The following RBBP5 variants were observed in gnomAD, a reference collection of about 807,000 sequenced individuals.
The protein encoded by RBBP5 is retinoblastoma-binding protein 5.
In RBBP5, 5 loss-of-function variants were observed where a neutral mutation model predicts 72.2. The ratio of observed to expected loss-of-function variants is 0.07; its 90% CI spans 0.04 to 0.15. The LOEUF is 0.15. Ranked by LOEUF, RBBP5 falls within the 10% of genes least tolerant of loss-of-function variation. RBBP5 has a pLI of 1.00. For missense variants in RBBP5, 322 were observed against 652.2 expected (o/e 0.49, Z 5.51); for synonymous variants, 209 against 237.2 (o/e 0.88, Z 1.09).
intron 13 of RBBP5, among the ~76,000 whole-genome samples, chr1:205,092,572 A>G (rs896152616): frequency 1.3e-5 from 2 of 151,658 alleles, no homozygotes; most frequent in Non-Finnish European, 2.9e-5. Flanking sequence ...TCAGCTTCCT[A>G]TGTTACCAGG....
intron 12 of RBBP5, 64 bp downstream of exon 12, chr1:205,096,618 T>C (rs184788779): frequency 1.0e-4 from 151 of 1,438,296 alleles, no homozygotes; most frequent in Non-Finnish European, 4.6e-5. Context: ...AATTACCAGG[T>C]TGCGCTGGGG....
At chr1:205,116,370 TA>T in intron 1 of RBBP5, 1 of 327,904 alleles carries the variant, frequency 3.0e-6, no homozygotes, top group Admixed American at 3.7e-5. Flanking sequence ...ATCACCTACA[TA>T]AACAAAAACT....
At position 205,094,895 on chromosome 1, in the gene RBBP5, C is replaced by T. The variant is rs1003888958; in HGVS notation, c.1566G>A (p.Ala522=). 4 of 1,613,842 alleles carry T rather than the reference C, an allele frequency of 2.5e-6. No individual in the cohort carries two copies. Among genetic ancestry groups the T allele is most frequent in the Non-Finnish European group, 3.4e-6 (4 of 1,179,908 alleles). Reference sequence around the variant, plus strand: ...TACCTGTCAAGGGCTGGCTGAGTTCCGCCTGCACTTTACCCTTCGCTGATC... The same window carrying T: ...TACCTGTCAAGGGCTGGCTGAGTTCTGCCTGCACTTTACCCTTCGCTGATC... ...LEGSAKGKVQ[A]ELSQPLTAGG... The change falls in exon 13 of 14, where the codon GCG becomes GCA. Residue 522 remains alanine, a synonymous_variant. Transcript: ENST00000264515.
intron 12 of RBBP5, among the ~76,000 whole-genome samples, 197 bp from the exon 13 acceptor site, chr1:205,095,261 A>G (rs907120910): frequency 6.6e-6 from 1 of 152,230 alleles, no homozygotes; most frequent in African/African-American, 2.4e-5. Context: ...AAAGGCACAC[A>G]TGGCTTATAT....
At chr1:205,112,696 G>T (rs1283263373) in intron 3 of RBBP5, among the ~76,000 whole-genome samples, 1 of 152,118 alleles carries the variant, frequency 6.6e-6, no homozygotes, top group Non-Finnish European at 1.5e-5. Flanking sequence ...GTAAATTATG[G>T]TTTATCAGAC....
rs1655741512 is a variant in RBBP5 at position 205,099,529 on chromosome 1, T to A, written c.978+212A>T. Among the ~76,000 whole-genome samples, 2 of 151,156 alleles carry A rather than the reference T, an allele frequency of 1.3e-5. No homozygotes were observed. Among genetic ancestry groups the A allele is most frequent in the Admixed American group, 6.6e-5 (1 of 15,164 alleles). On this transcript the variant is annotated intron_variant, in intron 9 of 13. Transcript: ENST00000264515. This position sits in a 1 kb window ranked among gnomAD's most constrained non-coding sequence, Gnocchi z 4.7. ...AAATGCAACAGAAAGTTCAATAGAGTTTCTCCCTGAAAAGAGCCAGAAAAC... is the reference window on the plus strand; with the variant it reads ...AAATGCAACAGAAAGTTCAATAGAGATTCTCCCTGAAAAGAGCCAGAAAAC...
Position 205,099,180 on chromosome 1 carries a change from A to C in RBBP5, c.979-74T>G. ...TAATCTACACATTAATGATAAAATG[A>C]AAGATGTGAGCATGAAAGGAATTCA... On this transcript the variant is annotated intron_variant, in intron 9 of 13. Transcript: ENST00000264515. This position sits in a 1 kb window ranked among gnomAD's most constrained non-coding sequence, Gnocchi z 4.7. The C allele has an allele frequency of 1.1e-6, 1 of 911,586 alleles. No homozygotes were observed. The allele number at this position is 911,586 out of a possible 1,614,324, so 56.5% of individuals were successfully genotyped here.
In RBBP5 at chr1:205,105,129, A is replaced by G; in HGVS notation, c.258T>C (p.Thr86=). 6.2e-7 allele frequency: 1 copy of G among 1,613,746 alleles called. No homozygotes were observed. The highest frequency in any genetic ancestry group is 8.5e-7 in the Non-Finnish European group (1 of 1,179,962). ...RDGHKLVSAS[T]DNIVSQWDVL... ...CATCCCACTGTGACACTATGTTATC[A>G]GTGGAAGCACTCACGAGTTTATGAC... The change falls in exon 4 of 14, where the codon ACT becomes ACC. Residue 86 remains threonine (T), a synonymous_variant. Transcript: ENST00000264515.
intron 2 of RBBP5, 71 bp from the exon 3 acceptor site, chr1:205,115,032 T>C (rs1242506044): frequency 7.4e-7 from 1 of 1,347,538 alleles, no homozygotes; most frequent in Non-Finnish European, 1.0e-6. Context: ...CTAAAGGTTC[T>C]TTATCACTTG....
At chr1:205,113,658 A>G (rs899047188) in intron 3 of RBBP5, among the ~76,000 whole-genome samples, 22 of 151,176 alleles carry the variant, frequency 1.5e-4, no homozygotes, top group African/African-American at 5.4e-4. Context: ...ATTATGTGAA[A>G]CACATACACA....
chr1:205,121,751 G>T, intron 1 of RBBP5, 104 bp downstream of exon 1: 1 of 1,558,880 alleles, frequency 6.4e-7, no homozygotes, highest in Non-Finnish European at 8.8e-7. Flanking sequence ...GTGATCCATA[G>T]CCGAACAGTG....
chr1:205,098,981 A>C lies in RBBP5; in HGVS notation c.1096+8T>G. ...TAGGAAATCCTGTCTGCAATTTAGA[A>C]ATAGTACCTGTCTGCTCAGGCTCAC... On this transcript the variant is annotated splice_region_variant and intron_variant, in intron 10 of 13. Coordinates refer to ENST00000264515, the MANE Select transcript of RBBP5 (RefSeq NM_005057.4). 6.5e-7 allele frequency: 1 copy of C among 1,528,574 alleles called. No individual in the cohort carries two copies. The highest frequency in any genetic ancestry group is 2.4e-5 in the East Asian group (1 of 41,044). The allele number at this position is 1,528,574 out of a possible 1,614,324, so 94.7% of individuals were successfully genotyped here.
intron 1 of RBBP5, among the ~76,000 whole-genome samples, chr1:205,120,075 C>T (rs1206748969): frequency 1.3e-5 from 2 of 152,168 alleles, no homozygotes; most frequent in Non-Finnish European, 2.9e-5. Context: ...CCATTTTTCA[C>T]GTCACTCTCT....
At chr1:205,114,455 C>A (rs1178455982) in intron 3 of RBBP5, among the ~76,000 whole-genome samples, 1 of 152,128 alleles carries the variant, frequency 6.6e-6, no homozygotes, top group African/African-American at 2.4e-5. Flanking sequence ...AAACTGGACT[C>A]GATGACTTCC....
chr1:205,105,509 G>A (rs888028914), intron 3 of RBBP5, among the ~76,000 whole-genome samples: 3 of 152,214 alleles, frequency 2.0e-5, no homozygotes, highest in African/African-American at 7.2e-5. Flanking sequence ...CATCTCAGAA[G>A]TAGCACCATC....
At chr1:205,117,982 G>GT (rs1235181896) in intron 1 of RBBP5, among the ~76,000 whole-genome samples, 3 of 151,784 alleles carry the variant, frequency 2.0e-5, no homozygotes, top group Admixed American at 1.3e-4. Flanking sequence ...GCTAATTTTT[G>GT]TATTTTTAGT....
intron 1 of RBBP5, chr1:205,116,189 G>C: frequency 2.2e-6 from 1 of 455,788 alleles, no homozygotes; most frequent in South Asian, 2.5e-5. Flanking sequence ...GAAGAGATTT[G>C]TAAAAATGTC....
intron 5 of RBBP5, 54 bp from the exon 6 acceptor site, chr1:205,101,763 T>C: frequency 7.8e-7 from 1 of 1,278,044 alleles, no homozygotes; most frequent in Non-Finnish European, 1.1e-6. Flanking sequence ...CTAACAATAA[T>C]TGATTTGGCT....
chr1:205,113,686 ATT>A (rs34699278), intron 3 of RBBP5, among the ~76,000 whole-genome samples: 4 of 125,750 alleles, frequency 3.2e-5, no homozygotes, highest in Non-Finnish European at 3.7e-5. Context: ...AAAAATGTGT[ATT>A]TTTTTTTTTT....
Sources: allele counts gnomAD v4.1 joint callset (sites outside exome capture counted in the v4.1 genomes callset), GRCh38; gene constraint gnomAD v4.1.1; non-coding constraint Gnocchi (gnomAD v3.1); transcripts MANE v1.5; gene names NCBI Gene and HGNC (gene_info 2026-07-23, HGNC 2026-07-21).